CYBB: variants seen among roughly 807,000 people sequenced by gnomAD.
The protein encoded by CYBB is NADPH oxidase 2.
Under a neutral mutation model 46.5 loss-of-function variants are expected in CYBB, and 5 were observed. The observed-to-expected ratio is 0.11, with a 90% CI of 0.06 to 0.23. The LOEUF (loss-of-function observed/expected upper bound fraction) is 0.23, where lower values mean the gene tolerates loss of function less well. CYBB is among the 10% of genes least tolerant of loss of function. The pLI, the probability that CYBB is intolerant of heterozygous loss-of-function variation, is 1.00. For missense variants in CYBB, 307 were observed against 428.3 expected (o/e 0.72, Z 2.50); for synonymous variants, 183 against 156.7 (o/e 1.17, Z -1.26).
chrX:37,807,984 G>A (rs1464241059), intron 11 of CYBB, among the ~76,000 whole-genome samples: 3 of 111,960 alleles, frequency 2.7e-5, no homozygotes, highest in African/African-American at 9.7e-5. Context: ...TTCCTGGAGT[G>A]GTAACATCTT....
chrX:37,786,927 C>A (rs1035287705), intron 3 of CYBB, among the ~76,000 whole-genome samples: 1 of 110,036 alleles, frequency 9.1e-6, no homozygotes, highest in African/African-American at 3.3e-5. Flanking sequence ...AGTTGAAAAA[C>A]AGGTCAACTA....
At chrX:37,791,616 A>G (rs1929198544) in intron 3 of CYBB, among the ~76,000 whole-genome samples, 2 of 112,358 alleles carry the variant, frequency 1.8e-5, no homozygotes, top group African/African-American at 6.5e-5. Flanking sequence ...TAATTTCTAC[A>G]TCCTTTGTTT....
At chrX:37,794,694 A>G (rs1209228189) in intron 5 of CYBB, among the ~76,000 whole-genome samples, 4 of 111,486 alleles carry the variant, frequency 3.6e-5, no homozygotes, top group African/African-American at 1.3e-4. Flanking sequence ...CCAGGAGGGT[A>G]TCCAGAAGTA....
At position 37,785,097 on chromosome X, in the gene CYBB, A is replaced by G. The variant is rs782046558; in HGVS notation, c.252+1497A>G. 2.7e-5 allele frequency among the ~76,000 whole-genome samples: 3 copies of G among 112,435 alleles called. No homozygotes were observed. In the East Asian group the frequency reaches 8.4e-4, roughly 31 times the overall value. Reference sequence around the variant, plus strand: ...GAGGCTATAATTTAGCTTTTATTTTATGACTTAACTATTTACAAAATACCA... The same window carrying G: ...GAGGCTATAATTTAGCTTTTATTTTGTGACTTAACTATTTACAAAATACCA... On this transcript the variant is annotated intron_variant, in intron 3 of 12. Coordinates refer to ENST00000378588, the MANE Select transcript of CYBB (RefSeq NM_000397.4).
Position 37,805,034 on chromosome X carries a change from G to T in CYBB, c.1180G>T (p.Ala394Ser). Residue 394 changes from alanine (A) to serine (S), a missense_variant, in exon 10 of 13, where the codon GCC becomes TCC. Ala to Ser is a moderately conservative substitution (Grantham distance 99). Coordinates refer to ENST00000378588, the MANE Select transcript of CYBB (RefSeq NM_000397.4). ...KIAVDGPFGT[A>S]SEDVFSYEVV... ...AGCGGTTGATGGGCCCTTTGGCACT[G>T]CCAGTGAAGATGTGTTCAGCTATGA... The T allele has an allele frequency of 8.3e-7, 1 of 1,211,658 alleles. No individual in the cohort carries two copies. Among genetic ancestry groups the T allele is most frequent in the Non-Finnish European group, 1.1e-6 (1 of 895,289 alleles).
intron 10 of CYBB, among the ~76,000 whole-genome samples, chrX:37,806,133 T>C (rs1366173092): frequency 2.7e-5 from 3 of 111,554 alleles, no homozygotes; most frequent in African/African-American, 9.8e-5. Flanking sequence ...GAGGGAAATT[T>C]GGTGGGCTAA....
rs1556468392 is a variant in CYBB, at chrX:37,796,116, A to G, written c.649A>G (p.Ile217Val). 2 of 1,209,386 alleles carry G rather than the reference A, an allele frequency of 1.7e-6. No homozygotes were observed. The highest frequency in any genetic ancestry group is 1.8e-5 in the South Asian group (1 of 56,954). Residue 217 changes from isoleucine to valine, a missense_variant, in exon 6 of 13, where the codon ATT (isoleucine) becomes GTT (valine). Ile to Val is a conservative substitution (Grantham distance 29). Coordinates refer to ENST00000378588, the MANE Select transcript of CYBB (RefSeq NM_000397.4). ...YTHHLFVIFF[I>V]GLAIHGAERI... ...ACATCATCTCTTTGTGATCTTCTTC[A>G]TTGGCCTTGCCATCCATGGAGCTGA...
At chrX:37,795,087 A>G (rs1305559846) in intron 5 of CYBB, among the ~76,000 whole-genome samples, 6 of 111,646 alleles carry the variant, frequency 5.4e-5, no homozygotes, top group Admixed American at 1.9e-4. Context: ...TTCCTGGATC[A>G]CTTTTACTGT....
At chrX:37,798,620 G>A (rs1269940643) in intron 6 of CYBB, among the ~76,000 whole-genome samples, 2 of 112,041 alleles carry the variant, frequency 1.8e-5, no homozygotes, top group Non-Finnish European at 3.8e-5. Flanking sequence ...CAGTCACTCT[G>A]TTAGATTTGC....
chrX:37,813,273 T>C lies in CYBB; in HGVS notation c.*2356T>C, dbSNP rs565718269. On this transcript the variant is annotated 3_prime_UTR_variant, in exon 13 of 13. Coordinates refer to ENST00000378588, the MANE Select transcript of CYBB (RefSeq NM_000397.4). ...CATTTATTAACAGGTACTCTAAGAA[T>C]GATGAAGCATTGTTTTTAATCTTAA... 2.9e-5 allele frequency: 3 copies of C among 102,985 alleles called. No homozygotes were observed. The South Asian group carries it at 1.3e-3, about 46-fold the overall frequency. The allele number at this position is 102,985 out of a possible 1,213,427, so 8.5% of individuals were successfully genotyped here.
At chrX:37,799,129 T>G in intron 7 of CYBB, 45 bp downstream of exon 7, 3 of 1,140,064 alleles carry the variant, frequency 2.6e-6, no homozygotes, top group Non-Finnish European at 3.6e-6. Context: ...TTACTGACAA[T>G]CTTTAACCTG....
intron 9 of CYBB, 152 bp from the exon 10 acceptor site, chrX:37,804,854 A>G: frequency 3.4e-6 from 2 of 590,009 alleles, no homozygotes; most frequent in East Asian, 3.6e-5. Context: ...AAGTTTGGTT[A>G]CTTGAAAGCT....
At chrX:37,795,925 T>C (rs1929294388) in intron 5 of CYBB, 26 bp from the exon 6 acceptor site, 2 of 1,002,020 alleles carry the variant, frequency 2.0e-6, no homozygotes, top group Non-Finnish European at 2.8e-6. Context: ...TGTGTGTGTG[T>C]GTGTGTGTGT....
chrX:37,782,067 C>G, intron 1 of CYBB, 21 bp from the exon 2 acceptor site: 1 of 1,166,501 alleles, frequency 8.6e-7, no homozygotes. Context: ...AAACTTCATG[C>G]AATTATTTCT....
chrX:37,797,469 T>C (rs1556468757), intron 6 of CYBB, among the ~76,000 whole-genome samples: 1 of 111,875 alleles, frequency 8.9e-6, no homozygotes, highest in East Asian at 2.8e-4. Flanking sequence ...ATCTGCTCTT[T>C]ACACTGGTTA....
chrX:37,800,201 CCT>C (rs782650395), intron 7 of CYBB, among the ~76,000 whole-genome samples: 1 of 111,558 alleles, frequency 9.0e-6, no homozygotes, highest in Non-Finnish European at 1.9e-5. Context: ...CAGAAACCTA[CCT>C]CAAAGAATTT....
intron 10 of CYBB, 54 bp downstream of exon 10, chrX:37,805,222 G>T: frequency 2.6e-6 from 3 of 1,149,786 alleles, no homozygotes; most frequent in Non-Finnish European, 3.6e-6. Context: ...ACTCTGCCAT[G>T]TGAGGCCTGA....
At chrX:37,787,704 G>A (rs782757800) in intron 3 of CYBB, among the ~76,000 whole-genome samples, 18 of 112,145 alleles carry the variant, frequency 1.6e-4, no homozygotes, top group Middle Eastern at 4.6e-3. Context: ...TCTGCCTGAT[G>A]ATGGGGAACA....
chrX:37,787,298 G>A (rs782051697), intron 3 of CYBB, among the ~76,000 whole-genome samples: 7 of 112,198 alleles, frequency 6.2e-5, no homozygotes, highest in East Asian at 5.6e-4. Flanking sequence ...TCCCAGTTGC[G>A]TATAAATATC....
Sources: gnomAD v4.1 joint callset for allele counts (sites outside exome capture counted in the v4.1 genomes callset) on GRCh38, gnomAD v4.1.1 for gene constraint, MANE v1.5 for transcripts, NCBI Gene and HGNC (gene_info 2026-07-23, HGNC 2026-07-21) for gene names.